The following PDZRN3 variants were observed in gnomAD, a reference collection of about 807,000 sequenced individuals.
PDZRN3 encodes E3 ubiquitin-protein ligase PDZRN3.
A neutral mutation model predicts 85.7 loss-of-function variants in PDZRN3; 38 were observed. The observed-to-expected ratio is 0.44, with a 90% CI of 0.34 to 0.58. The LOEUF (loss-of-function observed/expected upper bound fraction) is 0.58. Among genes scored for constraint, PDZRN3 ranks in the 20% least tolerant of loss-of-function variants. The pLI, the probability that PDZRN3 is intolerant of heterozygous loss-of-function variation, is 0.01. For missense variants in PDZRN3, 1,629 were observed against 1,506.4 expected, an observed-to-expected ratio of 1.08 and a Z score of -1.35; for synonymous variants, 759 against 638.0, an observed-to-expected ratio of 1.19 and a Z score of -2.86.
intron 3 of PDZRN3, among the ~76,000 whole-genome samples, chr3:73,497,252 C>G (rs1703884052): frequency 6.6e-6 from 1 of 152,092 alleles, no homozygotes. Flanking sequence ...AGCAGTAACA[C>G]ACATGCATTT....
At chr3:73,467,358 A>G (rs1450089652) in intron 3 of PDZRN3, among the ~76,000 whole-genome samples, 2 of 152,202 alleles carry the variant, frequency 1.3e-5, no homozygotes, top group Admixed American at 1.3e-4. Context: ...AGTATACTCA[A>G]TGACACACAC....
At chr3:73,460,021 AT>A (rs2106862927) in intron 3 of PDZRN3, among the ~76,000 whole-genome samples, 1 of 152,302 alleles carries the variant, frequency 6.6e-6, no homozygotes, top group African/African-American at 2.4e-5. Context: ...AGAATCTGTT[AT>A]TGTTAGAATT....
intron 3 of PDZRN3, among the ~76,000 whole-genome samples, chr3:73,415,386 G>A (rs1043310426): frequency 6.6e-6 from 1 of 152,156 alleles, no homozygotes; most frequent in African/African-American, 2.4e-5. Context: ...TGGAAGCATG[G>A]GCAAGGGCAG....
At chr3:73,536,539 T>C (rs981548416) in intron 3 of PDZRN3, among the ~76,000 whole-genome samples, 2 of 152,240 alleles carry the variant, frequency 1.3e-5, no homozygotes, top group African/African-American at 4.8e-5. Flanking sequence ...CAGAAGCACA[T>C]CTGAAACCTC....
intron 3 of PDZRN3, among the ~76,000 whole-genome samples, chr3:73,423,573 A>G (rs1189690366): frequency 6.6e-6 from 1 of 152,252 alleles, no homozygotes; most frequent in African/African-American, 2.4e-5. Context: ...AAACTTAGGA[A>G]ATGTGTTTAT....
intron 3 of PDZRN3, among the ~76,000 whole-genome samples, chr3:73,480,250 A>G (rs1401342964): frequency 6.6e-6 from 1 of 152,220 alleles, no homozygotes; most frequent in Non-Finnish European, 1.5e-5. Context: ...CCAACAGGCT[A>G]TAATGACTGA....
At chr3:73,446,244 C>G (rs1005761223) in intron 3 of PDZRN3, among the ~76,000 whole-genome samples, 1 of 152,038 alleles carries the variant, frequency 6.6e-6, no homozygotes, top group Non-Finnish European at 1.5e-5. Context: ...CCTACCTTGG[C>G]GTGAGGCATT....
At chr3:73,471,354 T>G (rs555473913) in intron 3 of PDZRN3, among the ~76,000 whole-genome samples, 38 of 152,290 alleles carry the variant, frequency 2.5e-4, no homozygotes, top group African/African-American at 8.7e-4. Flanking sequence ...GATTTTGGGT[T>G]TCTAGCCTTC....
intron 3 of PDZRN3, among the ~76,000 whole-genome samples, chr3:73,587,933 T>G (rs1702300861): frequency 6.6e-6 from 1 of 152,220 alleles, no homozygotes; most frequent in Non-Finnish European, 1.5e-5. Flanking sequence ...AAAATGTTTG[T>G]TAACACTACT....
intron 3 of PDZRN3, among the ~76,000 whole-genome samples, chr3:73,436,563 C>T (rs1287224589): frequency 3.3e-5 from 5 of 152,178 alleles, no homozygotes; most frequent in African/African-American, 1.2e-4. Context: ...TTTTCCTGCA[C>T]ATCCACAAAT....
chr3:73,444,355 T>A (rs1257234967), intron 3 of PDZRN3, among the ~76,000 whole-genome samples: 2 of 152,222 alleles, frequency 1.3e-5, no homozygotes, highest in Non-Finnish European at 2.9e-5. Flanking sequence ...GGCATGTCCA[T>A]CTGTCCTCCT....
chr3:73,602,777 C>T (rs148641330), intron 2 of PDZRN3, among the ~76,000 whole-genome samples: 23 of 152,316 alleles, frequency 1.5e-4, no homozygotes, highest in African/African-American at 5.3e-4. Flanking sequence ...CCTAAATATG[C>T]ATTTGTTCCT....
At chr3:73,447,203 C>G (rs1185383441) in intron 3 of PDZRN3, among the ~76,000 whole-genome samples, 3 of 151,776 alleles carry the variant, frequency 2.0e-5, no homozygotes, top group Non-Finnish European at 4.4e-5. Flanking sequence ...GCCCCTTCTT[C>G]AACTGCAAAA....
At chr3:73,428,931 C>T (rs939972293) in intron 3 of PDZRN3, among the ~76,000 whole-genome samples, 15 of 151,820 alleles carry the variant, frequency 9.9e-5, no homozygotes, top group Admixed American at 2.6e-4. Context: ...CTTGCTCTGT[C>T]ACTGTCACCC....
At chr3:73,525,770 T>G (rs2106740908) in intron 3 of PDZRN3, among the ~76,000 whole-genome samples, 1 of 152,350 alleles carries the variant, frequency 6.6e-6, no homozygotes, top group East Asian at 1.9e-4. Context: ...CTGCATTTTC[T>G]GGGTCTCACC....
chr3:73,578,791 A>G (rs1019512696), intron 3 of PDZRN3, among the ~76,000 whole-genome samples: 4 of 152,052 alleles, frequency 2.6e-5, no homozygotes, highest in Non-Finnish European at 5.9e-5. Context: ...GATATGAGAA[A>G]TGTGAACATT....
intron 3 of PDZRN3, among the ~76,000 whole-genome samples, chr3:73,596,502 C>T (rs930137518): frequency 3.9e-5 from 6 of 152,158 alleles, no homozygotes; most frequent in Non-Finnish European, 5.9e-5. Flanking sequence ...CAGAGAGATA[C>T]GACTTTAACC....
At chr3:73,567,584 A>C (rs113885411) in intron 3 of PDZRN3, among the ~76,000 whole-genome samples, 2,462 of 152,262 alleles carry the variant, frequency 0.016, 59 homozygotes, top group African/African-American at 0.054. Flanking sequence ...AAACTCCCCC[A>C]AAAGCAAGTC....
chr3:73,423,645 T>C (rs1212263207), intron 3 of PDZRN3, among the ~76,000 whole-genome samples: 2 of 152,226 alleles, frequency 1.3e-5, no homozygotes, highest in African/African-American at 4.8e-5. Context: ...AATGTTACAG[T>C]TTGAGAAAAT....
Sources: gnomAD v4.1 joint callset for allele counts (sites outside exome capture counted in the v4.1 genomes callset) on GRCh38, gnomAD v4.1.1 for gene constraint, MANE v1.5 for transcripts, NCBI Gene and HGNC (gene_info 2026-07-23, HGNC 2026-07-21) for gene names.